The following DIP2C variants were observed in gnomAD, a reference collection of about 807,000 sequenced individuals.
DIP2C encodes the protein disco-interacting protein 2 homolog C.
Under a neutral mutation model 192.4 loss-of-function variants are expected in DIP2C, and 33 were observed. The ratio of observed to expected loss-of-function variants is 0.17; its 90% CI spans 0.13 to 0.23. The LOEUF (loss-of-function observed/expected upper bound fraction) is 0.23. DIP2C is among the 10% of genes least tolerant of loss of function. The pLI is 1.00. For missense variants in DIP2C, 1,537 were observed against 2,110.1 expected (o/e 0.73, Z 5.32); for synonymous variants, 979 against 864.1 (o/e 1.13, Z -2.33).
chr10:664,154 G>C (rs1201002101), intron 1 of DIP2C: 1 of 150,122 alleles, frequency 6.7e-6, no homozygotes, highest in Admixed American at 6.6e-5. Flanking sequence ...TAGTGCCAAG[G>C]GGAAAAGCCC....
chr10:600,147 C>A (rs543647107), intron 1 of DIP2C, among the ~76,000 whole-genome samples: 2 of 152,288 alleles, frequency 1.3e-5, no homozygotes, highest in South Asian at 4.1e-4. Flanking sequence ...AGGCACAGAA[C>A]TAGAAGGAAT....
At chr10:330,351 T>G (rs1032181104) in intron 29 of DIP2C, among the ~76,000 whole-genome samples, 1 of 10,384 alleles carries the variant, frequency 9.6e-5, no homozygotes, top group Non-Finnish European at 3.4e-4. Flanking sequence ...AAGTGATAGA[T>G]TACATATTTT....
intron 1 of DIP2C, among the ~76,000 whole-genome samples, chr10:672,486 G>A (rs1858513474): frequency 6.6e-6 from 1 of 152,108 alleles, no homozygotes; most frequent in Non-Finnish European, 1.5e-5. Flanking sequence ...CGAGGCTGGG[G>A]AGCCAGAGAT....
chr10:612,426 G>A (rs538042281), intron 1 of DIP2C, among the ~76,000 whole-genome samples: 5 of 152,326 alleles, frequency 3.3e-5, no homozygotes, highest in African/African-American at 1.2e-4. Flanking sequence ...AAGATATGAA[G>A]ATGGAAAGAA....
intron 24 of DIP2C, among the ~76,000 whole-genome samples, chr10:351,277 T>C (rs908000651): frequency 2.6e-5 from 4 of 152,290 alleles, no homozygotes; most frequent in East Asian, 3.9e-4. Flanking sequence ...CAGAAACACA[T>C]GGCGGGGCAC....
At chr10:293,284 T>C (rs1333740905) in intron 32 of DIP2C, among the ~76,000 whole-genome samples, 4 of 152,194 alleles carry the variant, frequency 2.6e-5, no homozygotes, top group African/African-American at 9.7e-5. Flanking sequence ...GGTGCTGTCC[T>C]CAGTGCCAAC....
intron 31 of DIP2C, among the ~76,000 whole-genome samples, chr10:326,092 G>A (rs1290113516): frequency 1.3e-5 from 2 of 152,092 alleles, no homozygotes; most frequent in Admixed American, 1.3e-4. Context: ...GAGGTGGGAG[G>A]GTTGCTTGAG....
At chr10:336,962 GTGGAGGCCTAGGCAGC>G (rs1957814492) in intron 29 of DIP2C, among the ~76,000 whole-genome samples, 1 of 73,048 alleles carries the variant, frequency 1.4e-5, no homozygotes, top group Non-Finnish European at 4.0e-5. Flanking sequence ...TGTGTGTGTT[GTGGAGGCCTAGGCAGC>G]TGTGTGTGTG....
At chr10:660,477 T>C (rs1029187509) in intron 1 of DIP2C, among the ~76,000 whole-genome samples, 1 of 152,198 alleles carries the variant, frequency 6.6e-6, no homozygotes, top group South Asian at 2.1e-4. Flanking sequence ...ATGAAACAGA[T>C]TCTAGCCCTT....
chr10:550,909 C>T (rs1848551804), intron 1 of DIP2C, among the ~76,000 whole-genome samples: 1 of 152,164 alleles, frequency 6.6e-6, no homozygotes, highest in Admixed American at 6.5e-5. Flanking sequence ...CGATGCGAAC[C>T]GTGCACATGG....
rs557482641 is a variant in DIP2C at position 392,576 on chromosome 10, C to T, written c.1261-1713G>A. 9.2e-5 allele frequency among the ~76,000 whole-genome samples: 14 copies of T among 152,304 alleles called. No individual in the cohort carries two copies. The South Asian group carries it at 2.9e-3, about 32-fold the overall frequency. ...CACGTGTAGAGTGCCCCCCGCGGCC[C>T]CGTCAGACGCCAGCCCTCAGCACAG... On this transcript the variant is annotated intron_variant, in intron 10 of 36. Transcript: ENST00000280886.
intron 31 of DIP2C, among the ~76,000 whole-genome samples, chr10:323,189 C>CT (rs1369782383): frequency 8.1e-5 from 1 of 12,292 alleles, no homozygotes; most frequent in African/African-American, 2.8e-4. Context: ...AACAGTCAGT[C>CT]GGGGGTGCGG....
At chr10:609,664 GTTTC>G (rs1199669020) in intron 1 of DIP2C, among the ~76,000 whole-genome samples, 1 of 152,130 alleles carries the variant, frequency 6.6e-6, no homozygotes, top group Non-Finnish European at 1.5e-5. Flanking sequence ...GATAACTTGT[GTTTC>G]TTTCCTTCTT....
chr10:505,333 A>G (rs192983301), intron 1 of DIP2C, among the ~76,000 whole-genome samples: 10 of 152,368 alleles, frequency 6.6e-5, no homozygotes, highest in Admixed American at 2.0e-4. Context: ...GCTCTTCAGG[A>G]AACAGGAGAA....
intron 2 of DIP2C, among the ~76,000 whole-genome samples, chr10:484,360 T>C (rs994468325): frequency 9.2e-5 from 14 of 152,202 alleles, no homozygotes; most frequent in African/African-American, 3.4e-4. Context: ...TCTTTGGAGA[T>C]GGAAATCTCA....
At chr10:616,810 G>T (rs980002146) in intron 1 of DIP2C, among the ~76,000 whole-genome samples, 2 of 152,184 alleles carry the variant, frequency 1.3e-5, no homozygotes, top group Admixed American at 6.5e-5. Context: ...CAATTCTGAT[G>T]AAAATATTTG....
intron 1 of DIP2C, among the ~76,000 whole-genome samples, chr10:525,673 G>A (rs1457118431): frequency 2.0e-5 from 3 of 152,184 alleles, no homozygotes; most frequent in Non-Finnish European, 4.4e-5. Context: ...TAGGATAACA[G>A]GCCTTTGAAT....
In DIP2C at chr10:689,117, C is replaced by T. The variant is rs1421018552; in HGVS notation, c.85+377G>A. On this transcript the variant is annotated intron_variant, in intron 1 of 36. Coordinates refer to ENST00000280886, the MANE Select transcript of DIP2C (RefSeq NM_014974.3). The surrounding 1 kb of genome is among the most constrained non-coding windows in gnomAD (Gnocchi z 6.1). ...CGCCGGGCCCGCTGCATCCTGCGTCCCCGCGCGGCGCCCAGGCCCCACAGA... is the reference window on the plus strand; with the variant it reads ...CGCCGGGCCCGCTGCATCCTGCGTCTCCGCGCGGCGCCCAGGCCCCACAGA... Among the ~76,000 whole-genome samples, 2 of 152,144 alleles carry T rather than the reference C, an allele frequency of 1.3e-5. No individual in the cohort carries two copies. Among genetic ancestry groups the T allele is most frequent in the Non-Finnish European group, 2.9e-5 (2 of 67,998 alleles).
chr10:445,306 CTG>C (rs1968079949), intron 3 of DIP2C, among the ~76,000 whole-genome samples: 2 of 152,022 alleles, frequency 1.3e-5, no homozygotes, highest in South Asian at 4.2e-4. Flanking sequence ...CACTGGACAT[CTG>C]TATACATCTG....
Sources: allele counts gnomAD v4.1 joint callset (sites outside exome capture counted in the v4.1 genomes callset), GRCh38; gene constraint gnomAD v4.1.1; non-coding constraint Gnocchi (gnomAD v3.1); transcripts MANE v1.5; gene names NCBI Gene and HGNC (gene_info 2026-07-23, HGNC 2026-07-21).